The following DDX60L variants were observed in gnomAD, a reference collection of about 807,000 sequenced individuals.
DDX60L encodes probable ATP-dependent RNA helicase DDX60-like.
A neutral mutation model predicts 211.6 loss-of-function variants in DDX60L; 191 were observed. The observed-to-expected ratio is 0.90, with a 90% CI of 0.80 to 1.02. The LOEUF (loss-of-function observed/expected upper bound fraction) is 1.02, where lower values mean the gene tolerates loss of function less well. DDX60L is among the 50% of genes least tolerant of loss of function. The pLI is 0.00. For synonymous variants in DDX60L, 706 were observed against 694.1 expected, an observed-to-expected ratio of 1.02 and a Z score of -0.27; for missense variants, 2,007 against 1,984.1, an observed-to-expected ratio of 1.01 and a Z score of -0.22.
At chr4:168,443,245 G>A (rs1365153521) in intron 9 of DDX60L, among the ~76,000 whole-genome samples, 3 of 152,190 alleles carry the variant, frequency 2.0e-5, no homozygotes, top group Admixed American at 6.5e-5. Context: ...AGCCTCAGGA[G>A]CCGATGCGAT....
chr4:168,378,475 C>A lies in DDX60L; in HGVS notation c.4364G>T (p.Gly1455Val), dbSNP rs1050051168. The change falls in exon 33 of 38, where the codon GGC becomes GTC. Residue 1455 changes from glycine to valine, a missense_variant and splice_region_variant. Coordinates refer to ENST00000682922, the MANE Select transcript of DDX60L (RefSeq NM_001012967.3). Reference protein sequence around the residue: ...FHNLCKPAWKGSQQFSQDVME... With the variant: ...FHNLCKPAWKVSQQFSQDVME... ...CACATCTTGGGAAAATTGTTGTGAG[C>A]CTATTGAAATAAAGAGCATTATTAT... 4.5e-6 allele frequency: 7 copies of A among 1,553,636 alleles called. No individual in the cohort carries two copies. The Middle Eastern group carries it at 8.5e-4, about 188-fold the overall frequency.
intron 29 of DDX60L, among the ~76,000 whole-genome samples, chr4:168,386,606 GT>G (rs1294978074): frequency 6.7e-6 from 1 of 148,450 alleles, no homozygotes; most frequent in African/African-American, 2.5e-5. Flanking sequence ...GATAAGAAAA[GT>G]GAGCGCAGAG....
At chr4:168,422,811 T>G (rs764149444) in intron 15 of DDX60L, 141 bp from the exon 16 acceptor site, 1 of 675,358 alleles carries the variant, frequency 1.5e-6, no homozygotes, top group East Asian at 2.8e-5. Flanking sequence ...GGTCTTTCTC[T>G]GTCACCCAGG....
intron 8 of DDX60L, among the ~76,000 whole-genome samples, chr4:168,449,649 A>G: frequency 4.1e-5 from 1 of 24,510 alleles, no homozygotes; most frequent in East Asian, 2.2e-3. Context: ...AAAAAAAAAA[A>G]TGCAAAAAAA....
rs367831615 is a variant in DDX60L, at chr4:168,443,253, G to C, written c.1139-1761C>G. Among the ~76,000 whole-genome samples the C allele has an allele frequency of 3.8e-4, 58 of 152,234 alleles. No homozygotes were observed. In the East Asian group the frequency reaches 0.011, roughly 28 times the overall value. On this transcript the variant is annotated intron_variant, in intron 9 of 37. Transcript: ENST00000682922. ...ATGCAGAAGCCTCAGGAGCCGATGC[G>C]ATCAACTGGAAGAAAGGGTATCAGC...
At chr4:168,376,028 G>A (rs1307827305) in intron 33 of DDX60L, among the ~76,000 whole-genome samples, 2 of 152,166 alleles carry the variant, frequency 1.3e-5, no homozygotes, top group African/African-American at 2.4e-5. Flanking sequence ...AGGTAAACTT[G>A]TTCCAAACCT....
intron 29 of DDX60L, among the ~76,000 whole-genome samples, chr4:168,386,274 T>C (rs533252810): frequency 1.2e-4 from 18 of 152,232 alleles, no homozygotes; most frequent in Non-Finnish European, 2.4e-4. Context: ...ATTTAAGCCA[T>C]TTTCTCTAAC....
intron 36 of DDX60L, among the ~76,000 whole-genome samples, chr4:168,365,060 G>C (rs1334371899): frequency 6.6e-6 from 1 of 151,960 alleles, no homozygotes; most frequent in East Asian, 1.9e-4. Flanking sequence ...AGCAATAAAG[G>C]CCTAAATCAA....
chr4:168,439,474 T>C (rs1190810012), intron 10 of DDX60L, among the ~76,000 whole-genome samples: 1 of 152,218 alleles, frequency 6.6e-6, no homozygotes, highest in East Asian at 1.9e-4. Flanking sequence ...CCTATAAATT[T>C]TGGACTTGCC....
In DDX60L at chr4:168,356,825, A is replaced by G. The variant is rs1344160601; in HGVS notation, c.*1322T>C. The G allele has an allele frequency of 6.6e-6, 1 of 152,254 alleles. No individual in the cohort carries two copies. The highest frequency in any genetic ancestry group is 1.5e-5 in the Non-Finnish European group (1 of 68,038). The allele number at this position is 152,254 out of a possible 1,614,324, so 9.4% of individuals were successfully genotyped here. ...CAAGTTTTCAGCTAATTGTTTGCTT[A>G]AAGAATCACAGAACTTACATTCAAG... On this transcript the variant is annotated 3_prime_UTR_variant, in exon 38 of 38. Coordinates refer to ENST00000682922, the MANE Select transcript of DDX60L (RefSeq NM_001012967.3).
chr4:168,403,967 G>C lies in DDX60L; in HGVS notation c.3338+15C>G. Reference sequence around the variant, plus strand: ...TCACATATAAACAAAGATAAATTAAGTTTCAGTTACTTACAAAAAAAATAT... The same window carrying C: ...TCACATATAAACAAAGATAAATTAACTTTCAGTTACTTACAAAAAAAATAT... On this transcript the variant is annotated intron_variant, in intron 25 of 37. Transcript: ENST00000682922. The C allele has an allele frequency of 7.0e-7, 1 of 1,422,442 alleles. No individual in the cohort carries two copies. The allele number at this position is 1,422,442 out of a possible 1,614,324, so 88.1% of individuals were successfully genotyped here.
intron 18 of DDX60L, 73 bp from the exon 19 acceptor site, chr4:168,419,470 C>A: frequency 1.9e-6 from 2 of 1,062,060 alleles, no homozygotes; most frequent in Admixed American, 2.5e-5. Context: ...TAATAGGAAC[C>A]TAGAAAATAT....
intron 8 of DDX60L, among the ~76,000 whole-genome samples, chr4:168,452,768 A>G (rs1031385665): frequency 8.5e-5 from 13 of 152,134 alleles, no homozygotes; most frequent in African/African-American, 2.9e-4. Flanking sequence ...TTTTTCTTCA[A>G]TTTTTAACTT....
intron 4 of DDX60L, among the ~76,000 whole-genome samples, chr4:168,467,587 C>T (rs1247758933): frequency 6.6e-6 from 1 of 152,060 alleles, no homozygotes. Context: ...GGGCAAATCC[C>T]TTGACATATA....
intron 8 of DDX60L, among the ~76,000 whole-genome samples, chr4:168,451,244 A>T (rs1755765701): frequency 6.6e-6 from 1 of 152,170 alleles, no homozygotes; most frequent in Admixed American, 6.5e-5. Context: ...ATTCAGAACC[A>T]CTCATGGGCT....
chr4:168,426,890 C>T (rs1751541058), intron 14 of DDX60L, among the ~76,000 whole-genome samples, 180 bp downstream of exon 14: 1 of 152,308 alleles, frequency 6.6e-6, no homozygotes, highest in South Asian at 2.1e-4. Flanking sequence ...TGTCTAACCT[C>T]TGCAATTCCA....
chr4:168,433,153 G>A lies in DDX60L; in HGVS notation c.1295-38C>T, dbSNP rs201675342. 1.0e-4 allele frequency: 136 copies of A among 1,296,794 alleles called. 3 individuals are homozygous for A. The South Asian group carries it at 1.6e-3, about 15-fold the overall frequency. The allele number at this position is 1,296,794 out of a possible 1,614,324, so 80.3% of individuals were successfully genotyped here. A position where few individuals can be genotyped will look rare whatever the true frequency, so the allele number is the denominator to read the frequency against. On this transcript the variant is annotated intron_variant, in intron 10 of 37. Coordinates refer to ENST00000682922, the MANE Select transcript of DDX60L (RefSeq NM_001012967.3). Reference sequence around the variant, plus strand: ...ATAAATTTAAGATGAGAGGAAAGGTGTAACTATCCTATATGAATTTTGAAC... The same window carrying A: ...ATAAATTTAAGATGAGAGGAAAGGTATAACTATCCTATATGAATTTTGAAC...
chr4:168,424,032 A>C (rs758003545), intron 14 of DDX60L, among the ~76,000 whole-genome samples: 15 of 152,206 alleles, frequency 9.9e-5, no homozygotes, highest in East Asian at 3.8e-4. Context: ...GAAAAGAAAC[A>C]AACTTTGTGA....
intron 7 of DDX60L, among the ~76,000 whole-genome samples, chr4:168,453,789 A>T (rs1211926129): frequency 1.3e-5 from 2 of 152,230 alleles, no homozygotes; most frequent in Non-Finnish European, 2.9e-5. Flanking sequence ...GGTTAAAAAA[A>T]CCTTAATCTG....
Sources: allele counts gnomAD v4.1 joint callset (sites outside exome capture counted in the v4.1 genomes callset), GRCh38; gene constraint gnomAD v4.1.1; transcripts MANE v1.5; gene names NCBI Gene and HGNC (gene_info 2026-07-23, HGNC 2026-07-21).